The following KIAA0513 variants were observed in gnomAD, a reference collection of about 807,000 sequenced individuals.
KIAA0513 encodes the protein KIAA0513.
In KIAA0513, 39 loss-of-function variants were observed where a neutral mutation model predicts 56.5. The ratio of observed to expected loss-of-function variants is 0.69; its 90% confidence interval spans 0.53 to 0.90. KIAA0513 has a LOEUF of 0.90. Among genes scored for constraint, KIAA0513 ranks in the 40% least tolerant of loss-of-function variants. KIAA0513 has a pLI of 0.00. For synonymous variants in KIAA0513, 268 were observed against 215.6 expected (o/e 1.24, Z -2.13); for missense variants, 591 against 535.2 (o/e 1.10, Z -1.03).
At chr16:85,044,587 A>C (rs914328612) in intron 1 of KIAA0513, among the ~76,000 whole-genome samples, 1 of 151,232 alleles carries the variant, frequency 6.6e-6, no homozygotes, top group African/African-American at 2.4e-5. Context: ...GCTCACAGCA[A>C]CCTCTGCCTC....
chr16:85,027,994 GGGA>G (rs1392557435), intron 1 of KIAA0513, 136 bp downstream of exon 1: 1 of 152,264 alleles, frequency 6.6e-6, no homozygotes, highest in Non-Finnish European at 1.5e-5. Flanking sequence ...GGCGCGGGGA[GGGA>G]GGAGGGGTCC....
chr16:85,044,288 C>T (rs1336763090), intron 1 of KIAA0513, among the ~76,000 whole-genome samples: 1 of 152,138 alleles, frequency 6.6e-6, no homozygotes, highest in African/African-American at 2.4e-5. Context: ...TGTGCAGGGA[C>T]TCTAGTCCCC....
rs572594256 is a variant in KIAA0513, at chr16:85,093,559, G to T, written c.*5234G>T. 1,146 of 152,728 alleles carry T rather than the reference G, an allele frequency of 7.5e-3. 4 individuals are homozygous for T. Among genetic ancestry groups the T allele is most frequent in the Non-Finnish European group, 0.011 (780 of 68,052 alleles). The allele number at this position is 152,728 out of a possible 1,614,324, so 9.5% of individuals were successfully genotyped here. On this transcript the variant is annotated 3_prime_UTR_variant, in exon 13 of 13. Transcript: ENST00000683363. ...CCTGTGCATTGACTAGAACTGGGGGGCTGCGCCCGCTCCCTCCTTAATCCT... is the reference window on the plus strand; with the variant it reads ...CCTGTGCATTGACTAGAACTGGGGGTCTGCGCCCGCTCCCTCCTTAATCCT...
At chr16:85,060,658 G>C (rs2073391119) in intron 1 of KIAA0513, among the ~76,000 whole-genome samples, 1 of 152,110 alleles carries the variant, frequency 6.6e-6, no homozygotes, top group Non-Finnish European at 1.5e-5. Flanking sequence ...GGGCAACATA[G>C]TGAGACCTCA....
At chr16:85,050,336 TTTATTTATTTATTTA>T (rs2073232854) in intron 1 of KIAA0513, among the ~76,000 whole-genome samples, 5 of 115,140 alleles carry the variant, frequency 4.3e-5, no homozygotes, top group Non-Finnish European at 6.8e-5. Flanking sequence ...TATTTATTTA[TTTATTTATTTATTTA>T]TTTATTTATT....
intron 10 of KIAA0513, among the ~76,000 whole-genome samples, chr16:85,083,900 C>T (rs1276062255): frequency 6.6e-6 from 1 of 152,214 alleles, no homozygotes. Flanking sequence ...TTATCATCCT[C>T]TCTGTGTACA....
At position 85,078,989 on chromosome 16, in the gene KIAA0513, G is replaced by A. The variant is rs1489301054; in HGVS notation, c.888G>A (p.Lys296=). 6.2e-7 allele frequency: 1 copy of A among 1,614,058 alleles called. No individual in the cohort carries two copies. Among genetic ancestry groups the A allele is most frequent in the African/African-American group, 1.3e-5 (1 of 74,908 alleles). Residue 296 remains lysine (K), a synonymous_variant, in exon 8 of 13, where the codon AAG becomes AAA. Coordinates refer to ENST00000683363, the MANE Select transcript of KIAA0513 (RefSeq NM_001388359.1). ...GEKIYLYTHL[K]QQPIWHTLRF... is the part of the protein sequence containing the mutation. ...AGATCTACCTGTACACGCACCTGAA[G>A]CAACAGCCCATCTGGTAAGGCCGAG...
chr16:85,078,810 A>T, intron 7 of KIAA0513, 115 bp from the exon 8 acceptor site: 2 of 1,130,958 alleles, frequency 1.8e-6, no homozygotes, highest in Non-Finnish European at 1.3e-6. Context: ...GGTTTGCATC[A>T]CGTGTTTCAG....
At chr16:85,045,140 C>CA (rs71151264) in intron 1 of KIAA0513, among the ~76,000 whole-genome samples, 10,054 of 150,420 alleles carry the variant, frequency 0.067, 369 homozygotes, top group Middle Eastern at 0.085. Context: ...TAATAAATGA[C>CA]AAAAAAAAAG....
intron 1 of KIAA0513, among the ~76,000 whole-genome samples, chr16:85,063,026 C>T (rs781484795): frequency 3.3e-5 from 5 of 152,252 alleles, no homozygotes; most frequent in Admixed American, 1.3e-4. Context: ...CTGAGGGGTC[C>T]GGGGACAGGG....
In KIAA0513 at chr16:85,081,530, G is replaced by A. The variant is rs540583911; in HGVS notation, c.980+138G>A. 1 of 782,046 alleles carries A rather than the reference G, an allele frequency of 1.3e-6. No homozygotes were observed. Among genetic ancestry groups the A allele is most frequent in the East Asian group, 2.7e-5 (1 of 36,610 alleles). The allele number at this position is 782,046 out of a possible 1,614,324, so 48.4% of individuals were successfully genotyped here. A position where few individuals can be genotyped will look rare whatever the true frequency, so the allele number is the denominator to read the frequency against. ...TTTTCTTCACCCCCTCATGGCCCTG[G>A]TGCCTCGCAAGCTGCCTGAGGGGTC... On this transcript the variant is annotated intron_variant, in intron 9 of 12. Transcript: ENST00000683363. The surrounding 1 kb of genome is among the most constrained non-coding windows in gnomAD (Gnocchi z 4.4).
chr16:85,081,673 T>C lies in KIAA0513; in HGVS notation c.980+281T>C, dbSNP rs3751750. ...CTCCCACTAAGACCATCAGGACCCC[T>C]GCTGCTGGGCCCACCCTGCTGTTTG... On this transcript the variant is annotated intron_variant, in intron 9 of 12. Coordinates refer to ENST00000683363, the MANE Select transcript of KIAA0513 (RefSeq NM_001388359.1). The surrounding 1 kb of genome is among the most constrained non-coding windows in gnomAD (Gnocchi z 4.4). 0.53 allele frequency among the ~76,000 whole-genome samples: 79,941 copies of C among 152,010 alleles called. 21,146 individuals carry two copies. Among genetic ancestry groups the C allele is most frequent in the South Asian group, 0.59 (2,853 of 4,814 alleles).
rs1021246935 is a variant in KIAA0513, at chr16:85,090,151, G to A, written c.*1826G>A. 1 of 151,582 alleles carries A rather than the reference G, an allele frequency of 6.6e-6. No homozygotes were observed. Among genetic ancestry groups the A allele is most frequent in the East Asian group, 2.0e-4 (1 of 5,098 alleles). The allele number at this position is 151,582 out of a possible 1,614,324, so 9.4% of individuals were successfully genotyped here. On this transcript the variant is annotated 3_prime_UTR_variant, in exon 13 of 13. Coordinates refer to ENST00000683363, the MANE Select transcript of KIAA0513 (RefSeq NM_001388359.1). ...AATCCATTTAGAGAAATGTCAGAGC[G>A]AGGGTTGTGTGGACACCCCTCGCTC...
At chr16:85,038,963 G>C (rs925315839) in intron 1 of KIAA0513, among the ~76,000 whole-genome samples, 1 of 152,190 alleles carries the variant, frequency 6.6e-6, no homozygotes, top group Non-Finnish European at 1.5e-5. Flanking sequence ...TGACCTGTTA[G>C]TGACGTATTT....
intron 8 of KIAA0513, among the ~76,000 whole-genome samples, chr16:85,080,065 TGAG>T (rs1487894177): frequency 3.3e-5 from 5 of 152,190 alleles, no homozygotes; most frequent in African/African-American, 1.2e-4. Context: ...AAGGGTTACT[TGAG>T]GAGCTTGGCC....
At chr16:85,082,852 ACACCTTGAGACG>A (rs1480116286) in intron 10 of KIAA0513, among the ~76,000 whole-genome samples, 4 of 152,238 alleles carry the variant, frequency 2.6e-5, no homozygotes, top group Non-Finnish European at 5.9e-5. Context: ...AGCAAATGTG[ACACCTTGAGACG>A]CCCTGGCGAC....
At chr16:85,062,680 CAGA>C (rs1375189603) in intron 1 of KIAA0513, among the ~76,000 whole-genome samples, 1 of 152,196 alleles carries the variant, frequency 6.6e-6, no homozygotes, top group Non-Finnish European at 1.5e-5. Context: ...GTTGAAAAAT[CAGA>C]AGATTTCATG....
chr16:85,066,251 A>G (rs1214364725), intron 1 of KIAA0513, among the ~76,000 whole-genome samples: 2 of 152,244 alleles, frequency 1.3e-5, no homozygotes, highest in East Asian at 1.9e-4. Context: ...GGCGGAGGAA[A>G]AAGTTGGGGA....
At chr16:85,045,839 T>C (rs2073163600) in intron 1 of KIAA0513, among the ~76,000 whole-genome samples, 1 of 152,206 alleles carries the variant, frequency 6.6e-6, no homozygotes, top group Non-Finnish European at 1.5e-5. Flanking sequence ...CTCGCAAGGC[T>C]TTGTTGAGCT....
Sources: gnomAD v4.1 joint callset for allele counts (sites outside exome capture counted in the v4.1 genomes callset) on GRCh38, gnomAD v4.1.1 for gene constraint, Gnocchi (gnomAD v3.1) non-coding constraint, MANE v1.5 for transcripts, NCBI Gene and HGNC (gene_info 2026-07-23, HGNC 2026-07-21) for gene names.